Variants in CA10 observed in about 807,000 individuals in gnomAD.
CA10 encodes the protein carbonic anhydrase 10 (inactive).
A neutral mutation model predicts 44.2 loss-of-function variants in CA10; 14 were observed. The observed-to-expected ratio is 0.32, with a 90% CI of 0.21 to 0.50. The LOEUF is 0.50. Among genes scored for constraint, CA10 ranks in the 20% least tolerant of loss-of-function variants. The pLI is 0.99. For synonymous variants in CA10, 159 were observed against 141.6 expected (o/e 1.12, Z -0.87); for missense variants, 350 against 409.7 (o/e 0.85, Z 1.26).
intron 1 of CA10, among the ~76,000 whole-genome samples, chr17:52,157,322 C>T (rs558389036): frequency 5.9e-5 from 9 of 152,104 alleles, no homozygotes; most frequent in Non-Finnish European, 1.0e-4. Flanking sequence ...CCGGGCAGGG[C>T]CCCGCGTCCA....
chr17:51,798,917 C>T (rs1220356187), intron 3 of CA10, among the ~76,000 whole-genome samples: 1 of 152,142 alleles, frequency 6.6e-6, no homozygotes. Flanking sequence ...TTAATGGCTC[C>T]AGGAAGAACA....
Position 51,781,123 on chromosome 17 carries a change from G to T in CA10, c.280-33305C>A, listed in dbSNP as rs190095094. 3.1e-3 allele frequency among the ~76,000 whole-genome samples: 466 copies of T among 152,298 alleles called. 1 individual carries two copies. Among genetic ancestry groups the T allele is most frequent in the African/African-American group, 0.011 (440 of 41,556 alleles). On this transcript the variant is annotated intron_variant, in intron 3 of 8. Coordinates refer to ENST00000451037, the MANE Select transcript of CA10 (RefSeq NM_020178.5). Reference sequence around the variant, plus strand: ...AGGCGTGACAAGATGAATCTGATCAGCTTAGTAAGGACGAGATCAAGAAGG... The same window carrying T: ...AGGCGTGACAAGATGAATCTGATCATCTTAGTAAGGACGAGATCAAGAAGG...
intron 2 of CA10, among the ~76,000 whole-genome samples, chr17:51,966,703 T>C (rs113022152): frequency 1.3e-5 from 2 of 151,708 alleles, no homozygotes; most frequent in African/African-American, 2.4e-5. Context: ...TGAACCTTAA[T>C]TCAGAATGAA....
chr17:51,762,077 T>C (rs561666427), intron 3 of CA10: 4 of 152,252 alleles, frequency 2.6e-5, no homozygotes, highest in African/African-American at 9.6e-5. Flanking sequence ...CAACTATGCA[T>C]GCATTAGCAA....
intron 3 of CA10, among the ~76,000 whole-genome samples, chr17:51,908,386 C>G (rs1320027202): frequency 6.6e-6 from 1 of 152,128 alleles, no homozygotes; most frequent in Admixed American, 6.6e-5. Flanking sequence ...GGCCTCTCTC[C>G]CTTGAAGTCA....
intron 2 of CA10, among the ~76,000 whole-genome samples, chr17:52,043,177 G>T (rs529650479): frequency 1.3e-4 from 20 of 152,140 alleles, no homozygotes; most frequent in African/African-American, 4.8e-4. Flanking sequence ...TTCGTAGCAT[G>T]AGCATTTTAA....
At chr17:52,073,139 A>T (rs1326324004) in intron 1 of CA10, among the ~76,000 whole-genome samples, 1 of 152,236 alleles carries the variant, frequency 6.6e-6, no homozygotes, top group Non-Finnish European at 1.5e-5. Flanking sequence ...TTCAATTCCC[A>T]GACACATTGG....
intron 4 of CA10, among the ~76,000 whole-genome samples, chr17:51,716,408 A>T (rs930761642): frequency 2.0e-5 from 3 of 152,100 alleles, no homozygotes; most frequent in Admixed American, 6.6e-5. Context: ...AAATAAAAGG[A>T]TGTCTAAAAT....
rs1986468081 is a variant in CA10 at position 52,031,559 on chromosome 17, TG to T, written c.136+40759del. 2.0e-5 allele frequency among the ~76,000 whole-genome samples: 3 copies of T among 152,190 alleles called. No homozygotes were observed. In the South Asian group the frequency reaches 6.2e-4, roughly 31 times the overall value. On this transcript the variant is annotated intron_variant, in intron 2 of 8. Coordinates refer to ENST00000451037, the MANE Select transcript of CA10 (RefSeq NM_020178.5). ...TAGGTAGTGTTCACCAATTCACCAC[TG>T]TATAATAGGAATAACATGGGATTCT...
chr17:51,946,955 C>T (rs1264052281), intron 2 of CA10, among the ~76,000 whole-genome samples: 1 of 152,000 alleles, frequency 6.6e-6, no homozygotes, highest in Non-Finnish European at 1.5e-5. Context: ...TGTTTACTTG[C>T]TCTGGCTCTC....
In CA10 at chr17:51,630,823, G is replaced by C. The variant is rs184487706; in HGVS notation, c.*761C>G. ...GCTGGTAACAATAACCAAACACAATGTATGACCTTTGGAAAACAAGAAACA... is the reference window on the plus strand; with the variant it reads ...GCTGGTAACAATAACCAAACACAATCTATGACCTTTGGAAAACAAGAAACA... On this transcript the variant is annotated 3_prime_UTR_variant, in exon 9 of 9. Coordinates refer to ENST00000451037, the MANE Select transcript of CA10 (RefSeq NM_020178.5). 2 of 152,754 alleles carry C rather than the reference G, an allele frequency of 1.3e-5. No homozygotes were observed. The highest frequency in any genetic ancestry group is 3.9e-4 in the East Asian group (2 of 5,190). The allele number at this position is 152,754 out of a possible 1,614,324, so 9.5% of individuals were successfully genotyped here. A position where few individuals can be genotyped will look rare whatever the true frequency, so the allele number is the denominator to read the frequency against.
chr17:52,095,616 G>C (rs1194194511), intron 1 of CA10, among the ~76,000 whole-genome samples: 1 of 152,064 alleles, frequency 6.6e-6, no homozygotes. Flanking sequence ...GAAAACATTT[G>C]TCTCTCCTGA....
At chr17:51,774,874 G>A (rs556284750) in intron 3 of CA10, among the ~76,000 whole-genome samples, 2 of 152,294 alleles carry the variant, frequency 1.3e-5, no homozygotes, top group East Asian at 1.9e-4. Context: ...GATACATGCA[G>A]AGGTTTTTAA....
At chr17:51,959,797 G>GAAAAAAAAAAAAAAAAAAGAAAA (rs3062037) in intron 2 of CA10, among the ~76,000 whole-genome samples, 1 of 112,368 alleles carries the variant, frequency 8.9e-6, no homozygotes, top group Non-Finnish European at 1.8e-5. Flanking sequence ...CTGCTAAGAT[G>GAAAAAAAAAAAAAAAAAAGAAAA]AAAAAAAAAA....
At chr17:51,706,569 C>T (rs148538793) in intron 4 of CA10, among the ~76,000 whole-genome samples, 217 of 152,334 alleles carry the variant, frequency 1.4e-3, no homozygotes, top group Non-Finnish European at 2.5e-3. Context: ...CCTTTGCCCC[C>T]TATGGTCTTC....
At chr17:51,765,626 G>C (rs1350250939) in intron 3 of CA10, among the ~76,000 whole-genome samples, 1 of 151,796 alleles carries the variant, frequency 6.6e-6, no homozygotes, top group Non-Finnish European at 1.5e-5. Context: ...TTGTAACCAA[G>C]AAGGCTGGTT....
chr17:51,888,280 G>C, intron 3 of CA10, among the ~76,000 whole-genome samples: 1 of 152,100 alleles, frequency 6.6e-6, no homozygotes, highest in East Asian at 1.9e-4. Flanking sequence ...ACAAATAGAA[G>C]AAAATTAGCT....
intron 4 of CA10, among the ~76,000 whole-genome samples, chr17:51,724,262 C>T (rs933150088): frequency 1.3e-5 from 2 of 152,212 alleles, no homozygotes; most frequent in Non-Finnish European, 2.9e-5. Context: ...AAATAAGTGA[C>T]ATTCCTTGGT....
chr17:51,730,471 A>AACAGGG (rs1168270325), intron 4 of CA10, among the ~76,000 whole-genome samples: 4 of 152,222 alleles, frequency 2.6e-5, no homozygotes, highest in Non-Finnish European at 5.9e-5. Flanking sequence ...CCAGAAAATC[A>AACAGGG]ACAGGGACTT....
Sources: allele counts gnomAD v4.1 joint callset (sites outside exome capture counted in the v4.1 genomes callset), GRCh38; gene constraint gnomAD v4.1.1; transcripts MANE v1.5; gene names NCBI Gene and HGNC (gene_info 2026-07-23, HGNC 2026-07-21).